The following NCF4 variants were observed in gnomAD, a reference collection of about 807,000 sequenced individuals.
NCF4 encodes neutrophil cytosolic factor 4.
Under a neutral mutation model 41.7 loss-of-function variants are expected in NCF4, and 30 were observed. The ratio of observed to expected loss-of-function variants is 0.72; its 90% confidence interval spans 0.54 to 0.97. The LOEUF (loss-of-function observed/expected upper bound fraction) is 0.97. Among genes scored for constraint, NCF4 ranks in the 50% least tolerant of loss-of-function variants. The pLI, the probability that NCF4 is intolerant of heterozygous loss-of-function variation, is 0.00. For missense variants in NCF4, 432 were observed against 460.9 expected, an observed-to-expected ratio of 0.94 and a Z score of 0.57; for synonymous variants, 195 against 175.8, an observed-to-expected ratio of 1.11 and a Z score of -0.87.
chr22:36,875,880 C>T, intron 8 of NCF4, 97 bp downstream of exon 8: 1 of 1,614,198 alleles, frequency 6.2e-7, no homozygotes, highest in South Asian at 1.1e-5. Flanking sequence ...TCTCCCACTC[C>T]AAAGCCCCCA....
At chr22:36,874,885 C>A (rs1191009104) in intron 7 of NCF4, among the ~76,000 whole-genome samples, 1 of 152,170 alleles carries the variant, frequency 6.6e-6, no homozygotes, top group Non-Finnish European at 1.5e-5. Flanking sequence ...CACCCCTCAT[C>A]CTCTTCCTCC....
At chr22:36,871,291 C>A (rs1369299887) in intron 5 of NCF4, among the ~76,000 whole-genome samples, 1 of 152,204 alleles carries the variant, frequency 6.6e-6, no homozygotes, top group Non-Finnish European at 1.5e-5. Context: ...TTTCCCTCAG[C>A]TGAAAAATTA....
chr22:36,874,478 C>G (rs905103852), intron 7 of NCF4, among the ~76,000 whole-genome samples: 5 of 152,210 alleles, frequency 3.3e-5, no homozygotes, highest in African/African-American at 1.2e-4. Flanking sequence ...CCATTTTACC[C>G]TAATCATAGA....
intron 9 of NCF4, 127 bp from the exon 10 acceptor site, chr22:36,877,501 A>G: frequency 1.1e-6 from 1 of 940,498 alleles, no homozygotes; most frequent in South Asian, 1.4e-5. Flanking sequence ...CTTGGATGAC[A>G]CGGGCTTGTA....
chr22:36,877,148 T>C (rs1285851901), intron 9 of NCF4, among the ~76,000 whole-genome samples: 1 of 152,176 alleles, frequency 6.6e-6, no homozygotes, highest in Non-Finnish European at 1.5e-5. Flanking sequence ...TTCTCCTTTT[T>C]TTTTTTGAGA....
intron 7 of NCF4, among the ~76,000 whole-genome samples, chr22:36,875,383 A>C (rs1383120744): frequency 1.3e-5 from 2 of 152,202 alleles, no homozygotes; most frequent in Non-Finnish European, 2.9e-5. Flanking sequence ...GCTGGTTCTC[A>C]AGAAGCCTTT....
At chr22:36,867,322 G>A (rs2145709944) in intron 3 of NCF4, 70 bp from the exon 4 acceptor site, 4 of 1,550,984 alleles carry the variant, frequency 2.6e-6, no homozygotes, top group South Asian at 2.2e-5. Flanking sequence ...TTCCTGGCCT[G>A]TAGGGGCAGC....
chr22:36,862,466 C>T (rs576518323), intron 1 of NCF4, among the ~76,000 whole-genome samples: 15 of 152,322 alleles, frequency 9.8e-5, no homozygotes, highest in South Asian at 2.1e-4. Context: ...TCGAATCTTC[C>T]GGAAGCAGCA....
intron 3 of NCF4, among the ~76,000 whole-genome samples, chr22:36,867,022 G>A (rs1184796447): frequency 1.3e-5 from 2 of 152,052 alleles, no homozygotes; most frequent in Non-Finnish European, 2.9e-5. Flanking sequence ...TAGCTTGAAT[G>A]TGCAGCCGGT....
intron 7 of NCF4, among the ~76,000 whole-genome samples, chr22:36,872,701 G>A (rs1484415859): frequency 2.1e-5 from 3 of 143,640 alleles, no homozygotes; most frequent in African/African-American, 5.0e-5. Flanking sequence ...AAGGTTGGAG[G>A]TGAGATTGGA....
intron 6 of NCF4, chr22:36,872,032 A>G: frequency 1.5e-6 from 1 of 665,080 alleles, no homozygotes; most frequent in Non-Finnish European, 2.8e-6. Flanking sequence ...GACAAGGCCC[A>G]GCCCACGATG....
intron 5 of NCF4, 141 bp downstream of exon 5, chr22:36,870,683 A>G (rs1014579726): frequency 1.6e-5 from 20 of 1,224,246 alleles, no homozygotes; most frequent in Non-Finnish European, 1.9e-5. Context: ...GATTTATTAG[A>G]TGGGTTTAGA....
intron 7 of NCF4, 140 bp from the exon 8 acceptor site, chr22:36,875,513 C>T: frequency 5.2e-6 from 4 of 770,732 alleles, no homozygotes; most frequent in Non-Finnish European, 8.8e-6. Context: ...CGAACTTCCT[C>T]GCTTTCCCTC....
Position 36,877,850 on chromosome 22 carries a change from G to A in NCF4, c.*27G>A. ...CTGACGGTGTCCCTGGAGCAGTGAG[G>A]GGACACCAGCAAAAACCTTCAGCTC... On this transcript the variant is annotated 3_prime_UTR_variant, in exon 10 of 10. Transcript: ENST00000248899. The A allele has an allele frequency of 1.3e-6, 2 of 1,597,468 alleles. No individual in the cohort carries two copies. Among genetic ancestry groups the A allele is most frequent in the South Asian group, 1.1e-5 (1 of 89,376 alleles).
At position 36,865,163 on chromosome 22, in the gene NCF4, C is replaced by T; in HGVS notation, c.271+91C>T. 1.3e-6 allele frequency: 2 copies of T among 1,552,402 alleles called. No homozygotes were observed. Among genetic ancestry groups the T allele is most frequent in the Non-Finnish European group, 1.7e-6 (2 of 1,143,984 alleles). Reference sequence around the variant, plus strand: ...CACTGTTCTGTGATTTGATCTCAACCCCAGTGAAAACTGTTCATGTAGTTT... The same window carrying T: ...CACTGTTCTGTGATTTGATCTCAACTCCAGTGAAAACTGTTCATGTAGTTT... On this transcript the variant is annotated intron_variant, in intron 3 of 9. Transcript: ENST00000248899. The surrounding 1 kb of genome is among the most constrained non-coding windows in gnomAD (Gnocchi z 4.3).
At chr22:36,877,299 G>A (rs1012974364) in intron 9 of NCF4, among the ~76,000 whole-genome samples, 2 of 152,088 alleles carry the variant, frequency 1.3e-5, no homozygotes, top group Non-Finnish European at 2.9e-5. Flanking sequence ...ACCTCGCCCA[G>A]CTAATTTTTG....
chr22:36,870,634 T>C (rs1228215434), intron 5 of NCF4, 92 bp downstream of exon 5: 2 of 1,521,388 alleles, frequency 1.3e-6, no homozygotes. Context: ...AGAAGGAAAA[T>C]ACAGATCAGC....
chr22:36,863,019 C>G (rs910878565), intron 1 of NCF4, among the ~76,000 whole-genome samples: 1 of 152,194 alleles, frequency 6.6e-6, no homozygotes. Context: ...CCCAGTAGGG[C>G]CTGGGTGAGG....
intron 4 of NCF4, 75 bp downstream of exon 4, chr22:36,867,537 G>A: frequency 3.3e-6 from 5 of 1,514,068 alleles, no homozygotes; most frequent in Non-Finnish European, 3.7e-6. Flanking sequence ...TACCATCCCT[G>A]GGTATGGCTT....
Sources: gnomAD v4.1 joint callset for allele counts (sites outside exome capture counted in the v4.1 genomes callset) on GRCh38, gnomAD v4.1.1 for gene constraint, Gnocchi (gnomAD v3.1) non-coding constraint, MANE v1.5 for transcripts, NCBI Gene and HGNC (gene_info 2026-07-23, HGNC 2026-07-21) for gene names.